Variants in KCTD3 observed in about 807,000 individuals in gnomAD.
KCTD3 encodes the protein potassium channel tetramerization domain containing 3.
A neutral mutation model predicts 85.8 loss-of-function variants in KCTD3; 41 were observed. That is an observed-to-expected ratio of 0.48 (90% CI 0.37 to 0.62). The LOEUF is 0.62. Ranked by LOEUF, KCTD3 falls within the 20% of genes least tolerant of loss-of-function variation. The pLI, the probability that KCTD3 is intolerant of heterozygous loss-of-function variation, is 0.00. For missense variants in KCTD3, 724 were observed against 989.9 expected, an observed-to-expected ratio of 0.73 and a Z score of 3.60; for synonymous variants, 338 against 345.4, an observed-to-expected ratio of 0.98 and a Z score of 0.24.
chr1:215,615,264 G>A (rs1655389727), intron 15 of KCTD3, among the ~76,000 whole-genome samples: 1 of 152,034 alleles, frequency 6.6e-6, no homozygotes, highest in Admixed American at 6.6e-5. Context: ...AAATGAAAGG[G>A]TTTTATTTAA....
At chr1:215,588,538 G>A (rs1660100126) in intron 9 of KCTD3, among the ~76,000 whole-genome samples, 2 of 152,060 alleles carry the variant, frequency 1.3e-5, no homozygotes, top group Non-Finnish European at 2.9e-5. Flanking sequence ...GCTAAGTAAG[G>A]TACCTGCTGT....
chr1:215,612,281 A>G (rs1289590162), intron 15 of KCTD3, among the ~76,000 whole-genome samples: 2 of 152,188 alleles, frequency 1.3e-5, no homozygotes, highest in African/African-American at 4.8e-5. Flanking sequence ...ATCTGTATAC[A>G]TTATTGATGT....
chr1:215,614,150 A>G (rs1655343102), intron 15 of KCTD3, among the ~76,000 whole-genome samples: 1 of 147,384 alleles, frequency 6.8e-6, no homozygotes, highest in Non-Finnish European at 1.5e-5. Context: ...CTCCTGCGTC[A>G]GTTCCTGAGT....
At position 215,595,377 on chromosome 1, in the gene KCTD3, C is replaced by G; in HGVS notation, c.839C>G (p.Pro280Arg). Residue 280 changes from proline (P) to arginine (R), a missense_variant, in exon 10 of 18, where the codon CCT (proline) becomes CGT (arginine). By Grantham distance (103) the Pro-to-Arg change is moderately radical. Transcript: ENST00000259154. ...SEIGVFSLGV[P>R]VDALFFIGNQ... The stretch of plus-strand genomic sequence containing the variant: ...TAAGGAGTGTTCAGCCTGGGTGTTC[C>G]TGTAGATGCTCTCTTCTTTATTGGT... 1 of 1,611,972 alleles carries G rather than the reference C, an allele frequency of 6.2e-7. No individual in the cohort carries two copies. Among genetic ancestry groups the G allele is most frequent in the Non-Finnish European group, 8.5e-7 (1 of 1,178,208 alleles).
chr1:215,604,403 G>A (rs1435594783), intron 13 of KCTD3, 101 bp downstream of exon 13: 2 of 873,454 alleles, frequency 2.3e-6, no homozygotes, highest in Non-Finnish European at 3.5e-6. Flanking sequence ...TATACTAAAA[G>A]AAGTACTAGA....
chr1:215,587,632 GCATT>G (rs1357644067), intron 9 of KCTD3, among the ~76,000 whole-genome samples: 1 of 152,114 alleles, frequency 6.6e-6, no homozygotes, highest in Non-Finnish European at 1.5e-5. Context: ...ATCTATTTCT[GCATT>G]CAATCTGCTG....
At chr1:215,574,512 C>T (rs965989908) in intron 3 of KCTD3, among the ~76,000 whole-genome samples, 2 of 151,778 alleles carry the variant, frequency 1.3e-5, no homozygotes, top group South Asian at 2.1e-4. Flanking sequence ...AATAACCTTG[C>T]GAATTTGTTT....
chr1:215,605,784 A>G (rs1356783807), intron 13 of KCTD3, among the ~76,000 whole-genome samples: 2 of 152,050 alleles, frequency 1.3e-5, no homozygotes, highest in Non-Finnish European at 2.9e-5. Flanking sequence ...ACATAGTACA[A>G]TTCATCAGTA....
rs775335139 is a variant in KCTD3 at position 215,602,138 on chromosome 1, C to T, written c.1075C>T (p.Leu359=). Residue 359 remains leucine, a synonymous_variant, in exon 12 of 18, where the codon CTG becomes TTG. Transcript: ENST00000259154. ...AGATAATGATCTTCTTGTAACTGAA[C>T]TGTATCATGATCCTTCAAATGATGC... ...MKDNDLLVTE[L]YHDPSNDAIT... 6.2e-7 allele frequency: 1 copy of T among 1,611,734 alleles called. No individual in the cohort carries two copies. Among genetic ancestry groups the T allele is most frequent in the East Asian group, 2.2e-5 (1 of 44,738 alleles).
intron 14 of KCTD3, among the ~76,000 whole-genome samples, chr1:215,610,108 T>A (rs1655171201): frequency 1.3e-5 from 2 of 152,046 alleles, no homozygotes; most frequent in African/African-American, 4.8e-5. Context: ...TATATATATC[T>A]TCATAGACAA....
chr1:215,602,219 T>C lies in KCTD3; in HGVS notation c.1138+18T>C. 2 of 1,179,580 alleles carry C rather than the reference T, an allele frequency of 1.7e-6. No individual in the cohort carries two copies. The highest frequency in any genetic ancestry group is 2.7e-5 in the South Asian group (2 of 74,234). 73.1% of individuals were successfully genotyped at this position (1,179,580 alleles called of 1,614,324 possible). A position where few individuals can be genotyped will look rare whatever the true frequency, so the allele number is the denominator to read the frequency against. ...CAAAACAAGTTAGTACATGGCCAAT[T>C]ATATACATTCTTGACTTTTTATCTT... On this transcript the variant is annotated intron_variant, in intron 12 of 17. Coordinates refer to ENST00000259154, the MANE Select transcript of KCTD3 (RefSeq NM_016121.5).
chr1:215,590,280 G>T (rs886223031), intron 9 of KCTD3, among the ~76,000 whole-genome samples: 1 of 151,984 alleles, frequency 6.6e-6, no homozygotes, highest in Non-Finnish European at 1.5e-5. Flanking sequence ...TTTTAATGAG[G>T]TTGTCATCCT....
chr1:215,586,130 T>A (rs2102569598), intron 8 of KCTD3, among the ~76,000 whole-genome samples: 1 of 152,160 alleles, frequency 6.6e-6, no homozygotes, highest in Admixed American at 6.5e-5. Flanking sequence ...ACAGTATCAT[T>A]TGTGTGTGTG....
chr1:215,586,331 A>C (rs1237791725), intron 8 of KCTD3, among the ~76,000 whole-genome samples, 164 bp from the exon 9 acceptor site: 3 of 152,202 alleles, frequency 2.0e-5, no homozygotes, highest in African/African-American at 7.2e-5. Context: ...CTTCATAGGC[A>C]ATATAGATCA....
At chr1:215,574,447 A>G (rs1226533679) in intron 3 of KCTD3, among the ~76,000 whole-genome samples, 1 of 152,170 alleles carries the variant, frequency 6.6e-6, no homozygotes, top group Non-Finnish European at 1.5e-5. Context: ...TTTTTATATT[A>G]GAATATAAGA....
At chr1:215,601,757 T>C (rs1654844971) in intron 10 of KCTD3, 110 bp from the exon 11 acceptor site, 1 of 638,920 alleles carries the variant, frequency 1.6e-6, no homozygotes, top group Non-Finnish European at 2.8e-6. Context: ...CCTACTAAAA[T>C]TGGATATTGG....
chr1:215,608,645 A>G (rs111859068), intron 14 of KCTD3, among the ~76,000 whole-genome samples: 52 of 152,050 alleles, frequency 3.4e-4, no homozygotes, highest in African/African-American at 1.2e-3. Flanking sequence ...CAAAAGGTGT[A>G]TAAGTTTAGT....
chr1:215,594,034 A>ATT (rs1463033193), intron 9 of KCTD3, among the ~76,000 whole-genome samples: 35 of 151,626 alleles, frequency 2.3e-4, no homozygotes, highest in African/African-American at 8.2e-4. Flanking sequence ...TAATTTTTGT[A>ATT]TTTTTAGTAG....
At chr1:215,610,571 C>A in intron 14 of KCTD3, among the ~76,000 whole-genome samples, 2 of 152,010 alleles carry the variant, frequency 1.3e-5, no homozygotes, top group Admixed American at 1.3e-4. Context: ...CTGAGTTATT[C>A]ATTGTCAATA....
Sources: allele counts gnomAD v4.1 joint callset (sites outside exome capture counted in the v4.1 genomes callset), GRCh38; gene constraint gnomAD v4.1.1; transcripts MANE v1.5; gene names NCBI Gene and HGNC (gene_info 2026-07-23, HGNC 2026-07-21).